SPMIP8: variants seen among roughly 807,000 people sequenced by gnomAD.
The protein encoded by SPMIP8 is sperm microtubule inner protein 8, also known as testicular tissue protein Li 196.
the SPMIP8 span, among the ~76,000 whole-genome samples, chr16:57,981,389 A>ATTATTATTATTATTATTATT: frequency 6.9e-4 from 92 of 132,908 alleles, 1 homozygote; most frequent in Admixed American, 1.2e-3. Context: ...CAATAATAAT[A>ATTATTATTATTATTATTATT]ATAATTATTA....
At chr16:57,980,803 T>C in the SPMIP8 span, among the ~76,000 whole-genome samples, 1 of 152,216 alleles carries the variant, frequency 6.6e-6, no homozygotes, top group African/African-American at 2.4e-5. Context: ...CAGGTGATCC[T>C]GCCACTTCAG....
the SPMIP8 span, chr16:57,985,040 G>T: frequency 9.2e-7 from 1 of 1,089,624 alleles, no homozygotes; most frequent in African/African-American, 1.6e-5. Context: ...TTCGGGCCGG[G>T]GGCTTTGCCC....
the SPMIP8 span, among the ~76,000 whole-genome samples, chr16:57,977,477 A>G: frequency 1.3e-5 from 2 of 151,400 alleles, no homozygotes; most frequent in African/African-American, 4.9e-5. Flanking sequence ...CCTCTTTTAG[A>G]CCATTCCTTG....
At chr16:57,985,434 C>A in the SPMIP8 span, 1 of 1,613,324 alleles carries the variant, frequency 6.2e-7, no homozygotes, top group African/African-American at 1.3e-5. Context: ...GGCAGGGCGT[C>A]CGTGCTCCCC....
chr16:57,984,799 T>C, the SPMIP8 span: 1 of 1,606,192 alleles, frequency 6.2e-7, no homozygotes, highest in Non-Finnish European at 8.5e-7. Context: ...CTGCCTTGCC[T>C]GAGGAAGCGA....
At chr16:57,977,739 GGTT>G in the SPMIP8 span, 7 of 1,499,958 alleles carry the variant, frequency 4.7e-6, no homozygotes, top group Non-Finnish European at 6.4e-6. Flanking sequence ...CACTGGCCAA[GGTT>G]GTTTTCATGC....
chr16:57,986,127 C>T, the SPMIP8 span: 2 of 642,082 alleles, frequency 3.1e-6, no homozygotes, highest in Non-Finnish European at 4.8e-6. Context: ...AAATGTGCAG[C>T]CCACTGGGGT....
At chr16:57,977,314 G>A in the SPMIP8 span, among the ~76,000 whole-genome samples, 1 of 150,632 alleles carries the variant, frequency 6.6e-6, no homozygotes, top group Non-Finnish European at 1.5e-5. Context: ...GGAGGCTGAG[G>A]CAGGAGAATC....
chr16:57,977,641 G>A, the SPMIP8 span, among the ~76,000 whole-genome samples: 1 of 151,388 alleles, frequency 6.6e-6, no homozygotes, highest in Non-Finnish European at 1.5e-5. Flanking sequence ...TCTGTTATCT[G>A]AATGTTCCTG....
At chr16:57,983,843 G>A in the SPMIP8 span, among the ~76,000 whole-genome samples, 1 of 152,180 alleles carries the variant, frequency 6.6e-6, no homozygotes, top group Non-Finnish European at 1.5e-5. Context: ...GAACTCCTGA[G>A]CTCAAGTGAT....
At chr16:57,986,037 C>T in the SPMIP8 span, 3 of 1,455,362 alleles carry the variant, frequency 2.1e-6, no homozygotes, top group East Asian at 2.5e-5. Context: ...AACCCCCCTG[C>T]CCCAGCGAGG....
chr16:57,985,574 C>G, the SPMIP8 span: 5 of 1,570,406 alleles, frequency 3.2e-6, no homozygotes, highest in Non-Finnish European at 4.3e-6. Flanking sequence ...CCCGGGGACC[C>G]CATATCTGGA....
At chr16:57,976,622 G>T in the SPMIP8 span, 1 of 1,613,914 alleles carries the variant, frequency 6.2e-7, no homozygotes, top group Non-Finnish European at 8.5e-7. Flanking sequence ...TACAGATAAG[G>T]TAGCTGCTAT....
At chr16:57,983,686 A>G in the SPMIP8 span, among the ~76,000 whole-genome samples, 1 of 152,098 alleles carries the variant, frequency 6.6e-6, no homozygotes. Context: ...ATCTCAGCTC[A>G]CTGCAACCTC....
At chr16:57,985,454 GC>G in the SPMIP8 span, 1 of 1,613,738 alleles carries the variant, frequency 6.2e-7, no homozygotes, top group Non-Finnish European at 8.5e-7. Context: ...CCGACTCACC[GC>G]GCCCCTATCC....
the SPMIP8 span, among the ~76,000 whole-genome samples, chr16:57,982,474 T>C: frequency 6.6e-6 from 1 of 152,246 alleles, no homozygotes; most frequent in Non-Finnish European, 1.5e-5. Context: ...TGAGCCACTG[T>C]TTCTTCATGG....
At chr16:57,985,522 A>G in the SPMIP8 span, 1 of 1,609,654 alleles carries the variant, frequency 6.2e-7, no homozygotes, top group Non-Finnish European at 8.5e-7. Flanking sequence ...CGCTACGGAC[A>G]GAAGCCCCTG....
chr16:57,982,661 T>G, the SPMIP8 span, among the ~76,000 whole-genome samples: 1 of 152,188 alleles, frequency 6.6e-6, no homozygotes, highest in East Asian at 1.9e-4. Flanking sequence ...ATGCTAAGTT[T>G]GATTATTTGG....
chr16:57,985,835 C>T, the SPMIP8 span: 14 of 1,529,250 alleles, frequency 9.2e-6, no homozygotes, highest in Admixed American at 2.0e-5. Flanking sequence ...GGGGGTGGCT[C>T]CCGAGGTCGA....
Sources: allele counts gnomAD v4.1 joint callset (sites outside exome capture counted in the v4.1 genomes callset), GRCh38; gene constraint gnomAD v4.1.1; transcripts MANE v1.5; gene names NCBI Gene and HGNC (gene_info 2026-07-23, HGNC 2026-07-21).